The following DOCK3 variants were observed in gnomAD, a reference collection of about 807,000 sequenced individuals.
DOCK3 encodes dedicator of cytokinesis protein 3.
DOCK3 carries 60 observed loss-of-function variants against 265.6 expected under a neutral mutation model. That is an observed-to-expected ratio of 0.23 (90% confidence interval 0.18 to 0.28). The LOEUF is 0.28. Among genes scored for constraint, DOCK3 ranks in the 10% least tolerant of loss-of-function variants. DOCK3 has a pLI of 1.00. For synonymous variants in DOCK3, 881 were observed against 938.0 expected, an observed-to-expected ratio of 0.94 and a Z score of 1.11; for missense variants, 1,981 against 2,594.3, an observed-to-expected ratio of 0.76 and a Z score of 5.14.
intron 1 of DOCK3, among the ~76,000 whole-genome samples, chr3:50,680,364 G>A (rs1196923279): frequency 8.6e-5 from 13 of 150,900 alleles, no homozygotes; most frequent in African/African-American, 2.4e-4. Flanking sequence ...GGTGTGCGCC[G>A]CCACACCTGG....
chr3:51,225,485 T>G (rs1269459134), intron 14 of DOCK3, among the ~76,000 whole-genome samples, 164 bp from the exon 15 acceptor site: 1 of 152,172 alleles, frequency 6.6e-6, no homozygotes, highest in Non-Finnish European at 1.5e-5. Flanking sequence ...ACCTGGGTGC[T>G]GCTGCACTGA....
At chr3:51,231,121 CTTTTTTTTTTTT>C (rs754271357) in intron 19 of DOCK3, among the ~76,000 whole-genome samples, 5 of 77,738 alleles carry the variant, frequency 6.4e-5, no homozygotes, top group Non-Finnish European at 1.1e-4. Flanking sequence ...TATTTTTTGA[CTTTTTTTTTTTT>C]TTTTTTTTTT....
chr3:51,186,177 G>A (rs959328539), intron 12 of DOCK3, among the ~76,000 whole-genome samples: 2 of 152,170 alleles, frequency 1.3e-5, no homozygotes, highest in South Asian at 2.1e-4. Context: ...TGGACAATAA[G>A]GTCCAGGCTG....
At chr3:51,061,964 C>T (rs535859423) in intron 5 of DOCK3, among the ~76,000 whole-genome samples, 3 of 152,244 alleles carry the variant, frequency 2.0e-5, no homozygotes, top group Admixed American at 6.5e-5. Context: ...GTTCATAACC[C>T]ACATCTAGTC....
At chr3:51,348,374 C>G (rs1421281582) in intron 38 of DOCK3, among the ~76,000 whole-genome samples, 6 of 152,220 alleles carry the variant, frequency 3.9e-5, no homozygotes, top group Non-Finnish European at 8.8e-5. Flanking sequence ...CTTAAACTAT[C>G]TTAATCTAAA....
chr3:51,152,038 G>A (rs1364838618), intron 10 of DOCK3, among the ~76,000 whole-genome samples: 1 of 152,058 alleles, frequency 6.6e-6, no homozygotes. Context: ...TTGAATGTTG[G>A]CCTGCCTTGC....
At chr3:51,082,552 C>G (rs994809059) in intron 7 of DOCK3, among the ~76,000 whole-genome samples, 3 of 152,184 alleles carry the variant, frequency 2.0e-5, no homozygotes, top group Admixed American at 6.5e-5. Flanking sequence ...GATAGCAACC[C>G]TGCTCCCTCC....
At chr3:50,974,062 G>A (rs1333026087) in intron 5 of DOCK3, among the ~76,000 whole-genome samples, 1 of 150,808 alleles carries the variant, frequency 6.6e-6, no homozygotes, top group Non-Finnish European at 1.5e-5. Context: ...TGAGTAGGTT[G>A]CAAAAATTTT....
intron 52 of DOCK3, among the ~76,000 whole-genome samples, 154 bp from the exon 53 acceptor site, chr3:51,380,896 G>A (rs910669846): frequency 6.6e-6 from 1 of 152,174 alleles, no homozygotes; most frequent in Non-Finnish European, 1.5e-5. Flanking sequence ...TAGGGGTGGT[G>A]GGAGGAGCTG....
At chr3:51,004,790 A>G (rs1328453044) in intron 5 of DOCK3, among the ~76,000 whole-genome samples, 1 of 145,454 alleles carries the variant, frequency 6.9e-6, no homozygotes, top group Non-Finnish European at 1.5e-5. Context: ...TAGAACAGTG[A>G]TGATCACAAT....
In DOCK3 at chr3:51,110,373, C is replaced by A. The variant is rs78311906; in HGVS notation, c.746+19989C>A. Reference sequence around the variant, plus strand: ...ACCTGGCAGAGACACACCACCACCACCACCAACAACAACAGACACTTCAGG... The same window carrying A: ...ACCTGGCAGAGACACACCACCACCAACACCAACAACAACAGACACTTCAGG... On this transcript the variant is annotated intron_variant, in intron 9 of 52. Transcript: ENST00000266037. 5.0e-3 allele frequency among the ~76,000 whole-genome samples: 753 copies of A among 151,438 alleles called. 4 individuals carry two copies. Among genetic ancestry groups the A allele is most frequent in the East Asian group, 8.0e-3 (41 of 5,146 alleles).
At chr3:50,738,162 G>A (rs1327950322) in intron 1 of DOCK3, among the ~76,000 whole-genome samples, 2 of 152,172 alleles carry the variant, frequency 1.3e-5, no homozygotes, top group Admixed American at 6.5e-5. Flanking sequence ...TGGTCAGCGG[G>A]TGGGTGTGCC....
chr3:51,256,238 C>G (rs1353723047), intron 22 of DOCK3, among the ~76,000 whole-genome samples: 1 of 152,176 alleles, frequency 6.6e-6, no homozygotes, highest in Non-Finnish European at 1.5e-5. Flanking sequence ...TAGACTGGAG[C>G]TGTTCCTATT....
At chr3:51,338,079 C>T (rs2084982360) in intron 35 of DOCK3, among the ~76,000 whole-genome samples, 1 of 152,192 alleles carries the variant, frequency 6.6e-6, no homozygotes, top group Non-Finnish European at 1.5e-5. Context: ...GTGCCAAGGA[C>T]ATTGGTAGGT....
intron 49 of DOCK3, among the ~76,000 whole-genome samples, chr3:51,368,699 GA>G (rs894553147): frequency 2.3e-4 from 35 of 152,360 alleles, no homozygotes; most frequent in Middle Eastern, 3.4e-3. Context: ...CAGCTTTGAA[GA>G]GAGTAGTGGT....
chr3:51,267,636 C>T (rs1016376969), intron 23 of DOCK3, among the ~76,000 whole-genome samples: 4 of 152,008 alleles, frequency 2.6e-5, no homozygotes, highest in African/African-American at 9.7e-5. Flanking sequence ...TCCACCTGCC[C>T]CAGCCTCCCA....
chr3:51,228,658 C>A lies in DOCK3; in HGVS notation c.1648-3C>A, dbSNP rs1363387879. 2 of 1,608,856 alleles carry A rather than the reference C, an allele frequency of 1.2e-6. No individual in the cohort carries two copies. Among genetic ancestry groups the A allele is most frequent in the Non-Finnish European group, 1.7e-6 (2 of 1,177,700 alleles). On this transcript the variant is annotated splice_region_variant and splice_polypyrimidine_tract_variant and intron_variant, in intron 17 of 52. Coordinates refer to ENST00000266037, the MANE Select transcript of DOCK3 (RefSeq NM_004947.5). Reference sequence around the variant, plus strand: ...ACATTTTTTTCTCCATTTTTGCCTACAGTGTGATGAGAATAGCACGTTTAA... The same window carrying A: ...ACATTTTTTTCTCCATTTTTGCCTAAAGTGTGATGAGAATAGCACGTTTAA...
At chr3:50,972,944 T>TAATG (rs2077286713) in intron 5 of DOCK3, among the ~76,000 whole-genome samples, 1 of 151,464 alleles carries the variant, frequency 6.6e-6, no homozygotes, top group Non-Finnish European at 1.5e-5. Context: ...TTTCTGTGAA[T>TAATG]AATGTCATTG....
chr3:51,327,814 G>C (rs910009537), intron 32 of DOCK3, among the ~76,000 whole-genome samples: 1 of 151,878 alleles, frequency 6.6e-6, no homozygotes, highest in African/African-American at 2.4e-5. Context: ...CAAGTAGCTG[G>C]GACTATAGGC....
Sources: allele counts gnomAD v4.1 joint callset (sites outside exome capture counted in the v4.1 genomes callset), GRCh38; gene constraint gnomAD v4.1.1; transcripts MANE v1.5; gene names NCBI Gene and HGNC (gene_info 2026-07-23, HGNC 2026-07-21).